Variants in TENM3 observed in about 807,000 individuals in gnomAD.
TENM3 encodes teneurin-3.
Under a neutral mutation model 255.1 loss-of-function variants are expected in TENM3, and 63 were observed. That is an observed-to-expected ratio of 0.25 (90% CI 0.20 to 0.30). TENM3 has a LOEUF of 0.30. TENM3 is among the 10% of genes least tolerant of loss of function. TENM3 has a pLI of 1.00. For synonymous variants in TENM3, 1,306 were observed against 1,322.3 expected (o/e 0.99, Z 0.27); for missense variants, 2,929 against 3,461.1 (o/e 0.85, Z 3.86).
chr4:182,769,547 G>A (rs2152786874), intron 22 of TENM3, among the ~76,000 whole-genome samples: 1 of 152,182 alleles, frequency 6.6e-6, no homozygotes, highest in East Asian at 1.9e-4. Context: ...ACTTTGGGAG[G>A]CCGAGGCGGG....
At chr4:181,781,536 T>G in the TENM3 span, among the ~76,000 whole-genome samples, 11 of 152,312 alleles carry the variant, frequency 7.2e-5, no homozygotes, top group East Asian at 2.1e-3. Context: ...GATGGGGTTT[T>G]CTAAATATAC....
the TENM3 span, among the ~76,000 whole-genome samples, chr4:181,660,945 A>G: frequency 6.6e-6 from 1 of 152,144 alleles, no homozygotes; most frequent in Admixed American, 6.5e-5. Context: ...AACACAAATG[A>G]TTTCTTTTTA....
chr4:181,842,160 A>G, the TENM3 span, among the ~76,000 whole-genome samples: 2 of 152,202 alleles, frequency 1.3e-5, no homozygotes, highest in Admixed American at 6.5e-5. Flanking sequence ...ATAATTACAT[A>G]TTATCAAAAT....
chr4:182,354,875 AT>A (rs1765419173), intron 3 of TENM3, among the ~76,000 whole-genome samples: 1 of 152,232 alleles, frequency 6.6e-6, no homozygotes. Context: ...AGGGTAACTT[AT>A]TGAATAGATT....
intron 3 of TENM3, among the ~76,000 whole-genome samples, chr4:182,567,216 T>C (rs1743883054): frequency 6.6e-6 from 1 of 152,218 alleles, no homozygotes; most frequent in South Asian, 2.1e-4. Context: ...ATTGTCTCTA[T>C]TGTCAAAGTA....
At chr4:182,516,769 T>G (rs1405887287) in intron 3 of TENM3, among the ~76,000 whole-genome samples, 3 of 151,896 alleles carry the variant, frequency 2.0e-5, no homozygotes, top group Non-Finnish European at 4.4e-5. Context: ...CACACACCAG[T>G]AGTCCCAACT....
chr4:182,581,960 T>A (rs1331756050), intron 3 of TENM3, among the ~76,000 whole-genome samples: 1 of 152,114 alleles, frequency 6.6e-6, no homozygotes, highest in East Asian at 1.9e-4. Flanking sequence ...AAAGCTCAAA[T>A]AGAGAATTTA....
the TENM3 span, among the ~76,000 whole-genome samples, chr4:181,986,087 C>T: frequency 6.6e-6 from 1 of 152,062 alleles, no homozygotes; most frequent in South Asian, 2.1e-4. Context: ...CAAGGGTTTC[C>T]GTTTCTATTA....
chr4:181,849,472 T>TA, the TENM3 span, among the ~76,000 whole-genome samples: 1 of 152,152 alleles, frequency 6.6e-6, no homozygotes, highest in African/African-American at 2.4e-5. Flanking sequence ...AAGTTGTCTT[T>TA]AAAAAAATCT....
chr4:182,785,712 T>TAAAAAAAAAA (rs397879537), intron 24 of TENM3, among the ~76,000 whole-genome samples: 5 of 60,090 alleles, frequency 8.3e-5, no homozygotes, highest in Non-Finnish European at 1.2e-4. Flanking sequence ...TGTCTCAAGA[T>TAAAAAAAAAA]AAAAAAAAAA....
the TENM3 span, among the ~76,000 whole-genome samples, chr4:181,684,097 G>A: frequency 6.6e-6 from 1 of 152,166 alleles, no homozygotes; most frequent in Non-Finnish European, 1.5e-5. Context: ...CAAGTGGACT[G>A]CTTTGCTTTG....
chr4:182,766,336 C>A (rs905066238), intron 22 of TENM3, among the ~76,000 whole-genome samples: 1 of 152,004 alleles, frequency 6.6e-6, no homozygotes, highest in African/African-American at 2.4e-5. Flanking sequence ...TAAGCTGTAT[C>A]CTACCCATGT....
chr4:182,241,816 C>T (rs1757280534), upstream of TENM3, among the ~76,000 whole-genome samples: 1 of 151,970 alleles, frequency 6.6e-6, no homozygotes, highest in Admixed American at 6.6e-5. Flanking sequence ...TTTCCTTTTC[C>T]CTTTCTTTTT....
At chr4:182,445,897 C>T (rs1188922104) in intron 3 of TENM3, among the ~76,000 whole-genome samples, 1 of 152,072 alleles carries the variant, frequency 6.6e-6, no homozygotes, top group East Asian at 2.0e-4. Context: ...ATCCATAATG[C>T]TAATTATCTC....
At chr4:182,076,438 G>A in the TENM3 span, among the ~76,000 whole-genome samples, 9 of 152,018 alleles carry the variant, frequency 5.9e-5, no homozygotes, top group African/African-American at 9.6e-5. Flanking sequence ...ACTTGACCTC[G>A]TGATCCACCT....
chr4:181,755,240 C>G, the TENM3 span, among the ~76,000 whole-genome samples: 53 of 152,168 alleles, frequency 3.5e-4, no homozygotes, highest in African/African-American at 1.3e-3. Flanking sequence ...TCACCATTCA[C>G]TTACTTGCAG....
intron 1 of TENM3, among the ~76,000 whole-genome samples, chr4:182,212,140 A>G (rs868759001): frequency 6.6e-6 from 1 of 152,206 alleles, no homozygotes; most frequent in South Asian, 2.1e-4. Context: ...ATGCATAGGG[A>G]TTCCATTATC....
chr4:182,496,373 A>G (rs13107205), intron 3 of TENM3, among the ~76,000 whole-genome samples: 49,989 of 152,006 alleles, frequency 0.33, 9,468 homozygotes, highest in Admixed American at 0.41. Flanking sequence ...CACTTTAAGC[A>G]TACATTTTCC....
intron 1 of TENM3, among the ~76,000 whole-genome samples, chr4:182,216,583 T>C (rs1755484893): frequency 6.6e-6 from 1 of 152,254 alleles, no homozygotes; most frequent in Non-Finnish European, 1.5e-5. Context: ...ATAAAGGTGA[T>C]GTACGTGTGA....
Sources: allele counts gnomAD v4.1 joint callset (sites outside exome capture counted in the v4.1 genomes callset), GRCh38; gene constraint gnomAD v4.1.1; transcripts MANE v1.5; gene names NCBI Gene and HGNC (gene_info 2026-07-23, HGNC 2026-07-21).